Variants in ZSCAN4 observed in about 807,000 individuals in gnomAD.
The protein encoded by ZSCAN4 is zinc finger and SCAN domain containing 4.
A neutral mutation model predicts 18.3 loss-of-function variants in ZSCAN4; 18 were observed. That is an observed-to-expected ratio of 0.98 (90% CI 0.68 to 1.46). The LOEUF (loss-of-function observed/expected upper bound fraction) is 1.46, where lower values mean the gene tolerates loss of function less well. Among genes scored for constraint, ZSCAN4 ranks in the 40% most tolerant of loss-of-function variants. The pLI is 0.00. For synonymous variants in ZSCAN4, 193 were observed against 180.3 expected (o/e 1.07, Z -0.57); for missense variants, 498 against 511.4 (o/e 0.97, Z 0.25).
upstream of ZSCAN4, chr19:57,665,131 T>G (rs1983821850): frequency 6.5e-6 from 1 of 153,000 alleles, no homozygotes; most frequent in Non-Finnish European, 1.5e-5. Context: ...CGCTGCTGGC[T>G]GGAAGCATAG....
At chr19:57,675,928 A>G in intron 2 of ZSCAN4, 113 bp from the exon 3 acceptor site, 1 of 476,368 alleles carries the variant, frequency 2.1e-6, no homozygotes. Context: ...ATGTTAAGTT[A>G]TAATTATTTC....
At chr19:57,678,988 A>C (rs1203224818) in exon 5 of ZSCAN4, 10 of 1,385,878 alleles carry the variant, frequency 7.2e-6, no homozygotes, top group Non-Finnish European at 8.6e-6. Context: ...TATAAGATAT[A>C]ATCTCCTGAT....
exon 3 of ZSCAN4, chr19:57,676,236 C>T (rs779435326): frequency 2.5e-6 from 4 of 1,613,970 alleles, no homozygotes; most frequent in South Asian, 2.2e-5. Context: ...AAGCCAAGGA[C>T]CTGCTGTTCA....
chr19:57,676,173 C>T lies in ZSCAN4; in HGVS notation c.28C>T (p.Gln10Ter). 3 of 1,612,438 alleles carry T rather than the reference C, an allele frequency of 1.9e-6. No individual in the cohort carries two copies. Among genetic ancestry groups the T allele is most frequent in the African/African-American group, 1.3e-5 (1 of 74,842 alleles). ...GGCTTTAGATCTAAGAACCATATTTCAGTGTGAACCATCCGAGAATAATCT... is the reference window on the plus strand; with the variant it reads ...GGCTTTAGATCTAAGAACCATATTTTAGTGTGAACCATCCGAGAATAATCT... Residue 10 changes from glutamine (Q) to a stop codon, truncating the protein, a stop_gained, in exon 3 of 5, where the codon CAG becomes TAG. Transcript: ENST00000318203. LOFTEE classifies it high-confidence loss of function.
At chr19:57,670,317 A>G (rs887206582) in exon 2 of ZSCAN4, 4 of 152,264 alleles carry the variant, frequency 2.6e-5, no homozygotes, top group African/African-American at 9.6e-5. Flanking sequence ...TCAGTAATTC[A>G]ATCAACAGAC....
rs1984198894 is a variant in ZSCAN4, at chr19:57,676,588, A to T, written c.396+47A>T. On this transcript the variant is annotated intron_variant, in intron 3 of 4. Coordinates refer to ENST00000318203, the Ensembl canonical transcript of ZSCAN4. ...CTGGGATGAGAGACAAAGGAAAGTA[A>T]GGAATAAATCACAGTCAGTTAGAGT... 2.6e-6 allele frequency: 4 copies of T among 1,546,770 alleles called. No individual in the cohort carries two copies. The South Asian group carries it at 5.0e-5, about 19-fold the overall frequency.
the ZSCAN4 span, among the ~76,000 whole-genome samples, chr19:57,654,585 T>C: frequency 6.6e-6 from 1 of 152,190 alleles, no homozygotes; most frequent in Non-Finnish European, 1.5e-5. Flanking sequence ...ACCCCTATCC[T>C]GGCCATCTGG....
intron 2 of ZSCAN4, among the ~76,000 whole-genome samples, chr19:57,675,735 T>G (rs899914476): frequency 1.3e-5 from 2 of 152,272 alleles, no homozygotes; most frequent in Non-Finnish European, 2.9e-5. Context: ...TTTTTGAATT[T>G]TAACCCAAAC....
chr19:57,678,919 T>C (rs774481212), exon 5 of ZSCAN4: 1 of 1,565,702 alleles, frequency 6.4e-7, no homozygotes, highest in African/African-American at 1.4e-5. Context: ...GCTGGTCTGA[T>C]AATGTGTATA....
chr19:57,678,339 G>A, exon 5 of ZSCAN4: 1 of 1,614,152 alleles, frequency 6.2e-7, no homozygotes, highest in Non-Finnish European at 8.5e-7. Context: ...CTCAAAAAGA[G>A]CAGAGCTAGT....
At chr19:57,673,826 T>C (rs1416995097) in intron 2 of ZSCAN4, among the ~76,000 whole-genome samples, 1 of 152,174 alleles carries the variant, frequency 6.6e-6, no homozygotes, top group Non-Finnish European at 1.5e-5. Context: ...CAATCTCAAC[T>C]CACTGCAACC....
chr19:57,653,308 A>G, the ZSCAN4 span, among the ~76,000 whole-genome samples: 1 of 150,170 alleles, frequency 6.7e-6, no homozygotes, highest in East Asian at 2.0e-4. Flanking sequence ...AATCACTTGA[A>G]CCTGGTAGGT....
At chr19:57,673,123 A>T (rs530992688) in intron 2 of ZSCAN4, among the ~76,000 whole-genome samples, 1 of 151,864 alleles carries the variant, frequency 6.6e-6, no homozygotes, top group East Asian at 2.0e-4. Context: ...ATCTCGGCTC[A>T]CTGCAACCTC....
intron 2 of ZSCAN4, among the ~76,000 whole-genome samples, chr19:57,671,403 T>A (rs1157173994): frequency 6.6e-6 from 1 of 150,940 alleles, no homozygotes; most frequent in Non-Finnish European, 1.5e-5. Flanking sequence ...AGTGTGAACA[T>A]GTGGTCTGTG....
chr19:57,676,312 C>T, exon 3 of ZSCAN4: 1 of 1,614,144 alleles, frequency 6.2e-7, no homozygotes, highest in South Asian at 1.1e-5. Context: ...AGCAATAATT[C>T]ATATGCAAGG....
intron 2 of ZSCAN4, among the ~76,000 whole-genome samples, chr19:57,672,110 T>G (rs1984042036): frequency 6.6e-6 from 1 of 152,210 alleles, no homozygotes; most frequent in Admixed American, 6.5e-5. Context: ...TAATCTGATT[T>G]GGGATTAGAA....
upstream of ZSCAN4, chr19:57,665,086 T>C (rs150203995): frequency 1.3e-5 from 2 of 154,214 alleles, no homozygotes; most frequent in African/African-American, 4.8e-5. Flanking sequence ...CCAAGGGATG[T>C]GGGGTCTGAG....
chr19:57,675,988 T>C lies in ZSCAN4; in HGVS notation c.-105-53T>C, dbSNP rs73937006. 4.3e-3 allele frequency: 3,115 copies of C among 721,292 alleles called. 65 individuals are homozygous for C. In the African/African-American group the frequency reaches 0.047, roughly 11 times the overall value. 44.7% of individuals were successfully genotyped at this position (721,292 alleles called of 1,614,324 possible). On this transcript the variant is annotated intron_variant, in intron 2 of 4. Coordinates refer to ENST00000318203, the Ensembl canonical transcript of ZSCAN4. ...TAGGCCTAACTTTTTGGTTGATTTGTCTTTAATTATGCCAGTGGTGCAATT... is the reference window on the plus strand; with the variant it reads ...TAGGCCTAACTTTTTGGTTGATTTGCCTTTAATTATGCCAGTGGTGCAATT...
chr19:57,662,215 A>T, the ZSCAN4 span, among the ~76,000 whole-genome samples: 2 of 152,164 alleles, frequency 1.3e-5, no homozygotes, highest in Admixed American at 1.3e-4. Flanking sequence ...ACAAAGTTTG[A>T]GCAAAGTAAT....
Sources: allele counts gnomAD v4.1 joint callset (sites outside exome capture counted in the v4.1 genomes callset), GRCh38; gene constraint gnomAD v4.1.1; transcripts MANE v1.5; gene names NCBI Gene and HGNC (gene_info 2026-07-23, HGNC 2026-07-21).